MAP3K1: variants seen among roughly 807,000 people sequenced by gnomAD.
MAP3K1 encodes mitogen-activated protein kinase kinase kinase 1.
Under a neutral mutation model 144.2 loss-of-function variants are expected in MAP3K1, and 36 were observed. That is an observed-to-expected ratio of 0.25 (90% CI 0.19 to 0.33). MAP3K1 has a LOEUF of 0.33. MAP3K1 is among the 10% of genes least tolerant of loss of function. The pLI is 1.00. For synonymous variants in MAP3K1, 718 were observed against 688.7 expected, an observed-to-expected ratio of 1.04 and a Z score of -0.67; for missense variants, 1,650 against 1,881.9, an observed-to-expected ratio of 0.88 and a Z score of 2.28.
intron 17 of MAP3K1, among the ~76,000 whole-genome samples, chr5:56,887,133 G>A (rs1308762006): frequency 1.3e-5 from 2 of 152,216 alleles, no homozygotes; most frequent in Non-Finnish European, 2.9e-5. Context: ...TTGACATAAT[G>A]TGTTGAAGTA....
intron 1 of MAP3K1, among the ~76,000 whole-genome samples, chr5:56,822,406 C>T (rs146636507): frequency 1.3e-5 from 2 of 152,268 alleles, no homozygotes; most frequent in East Asian, 1.9e-4. Context: ...TAATGTGAGC[C>T]TTCTAATAAT....
chr5:56,854,250 A>G (rs1747264143), intron 1 of MAP3K1, among the ~76,000 whole-genome samples: 1 of 152,060 alleles, frequency 6.6e-6, no homozygotes, highest in Admixed American at 6.6e-5. Flanking sequence ...CCTGACCAAC[A>G]TGGTGAAACC....
In MAP3K1 at chr5:56,881,472, T is replaced by C. The variant is rs932692674; in HGVS notation, c.2370-98T>C. 10 of 1,096,794 alleles carry C rather than the reference T, an allele frequency of 9.1e-6. No homozygotes were observed. In the African/African-American group the frequency reaches 1.5e-4, roughly 17 times the overall value. 67.9% of individuals were successfully genotyped at this position (1,096,794 alleles called of 1,614,324 possible). ...TAGATACTTTATGCTGAAATGGTTTTTGAAGTATACATGCTGTAAATTACT... is the reference window on the plus strand; with the variant it reads ...TAGATACTTTATGCTGAAATGGTTTCTGAAGTATACATGCTGTAAATTACT... On this transcript the variant is annotated intron_variant, in intron 13 of 19. Coordinates refer to ENST00000399503, the MANE Select transcript of MAP3K1 (RefSeq NM_005921.2).
rs1421374924 is a variant in MAP3K1 at position 56,889,273 on chromosome 5, G to A, written c.4389+916G>A. ...AGCCTCCGCTTCCCAGGTTCAGGCAGTTCTCCTGCCTCAGCCTCCCAGGTA... is the reference window on the plus strand; with the variant it reads ...AGCCTCCGCTTCCCAGGTTCAGGCAATTCTCCTGCCTCAGCCTCCCAGGTA... On this transcript the variant is annotated intron_variant, in intron 19 of 19. Coordinates refer to ENST00000399503, the MANE Select transcript of MAP3K1 (RefSeq NM_005921.2). 7.9e-5 allele frequency among the ~76,000 whole-genome samples: 12 copies of A among 151,898 alleles called. No individual in the cohort carries two copies. The East Asian group carries it at 2.4e-3, about 30-fold the overall frequency.
intron 1 of MAP3K1, among the ~76,000 whole-genome samples, chr5:56,825,153 G>A (rs1265319724): frequency 4.0e-5 from 6 of 151,856 alleles, no homozygotes; most frequent in African/African-American, 9.7e-5. Flanking sequence ...GATTACAGGC[G>A]CCTGCCACCA....
intron 1 of MAP3K1, among the ~76,000 whole-genome samples, chr5:56,834,163 C>A (rs1746575627): frequency 6.6e-6 from 1 of 152,030 alleles, no homozygotes; most frequent in Non-Finnish European, 1.5e-5. Flanking sequence ...GCCCATAAGT[C>A]TTTTATGTGA....
chr5:56,874,156 C>A (rs1273899026), intron 9 of MAP3K1, among the ~76,000 whole-genome samples: 1 of 152,166 alleles, frequency 6.6e-6, no homozygotes, highest in African/African-American at 2.4e-5. Flanking sequence ...TTGGTTCATT[C>A]TCCCATAATA....
At chr5:56,862,527 C>A (rs1471510864) in intron 3 of MAP3K1, among the ~76,000 whole-genome samples, 1 of 152,142 alleles carries the variant, frequency 6.6e-6, no homozygotes, top group Non-Finnish European at 1.5e-5. Flanking sequence ...GACAAAGTTA[C>A]CCCTCATTCT....
At chr5:56,888,969 A>G (rs558716353) in intron 19 of MAP3K1, among the ~76,000 whole-genome samples, 1 of 152,258 alleles carries the variant, frequency 6.6e-6, no homozygotes, top group African/African-American at 2.4e-5. Flanking sequence ...TATTTGAGGT[A>G]GTTATGCTCT....
chr5:56,872,153 A>G (rs1579767681), intron 7 of MAP3K1, 122 bp downstream of exon 7: 2 of 1,236,370 alleles, frequency 1.6e-6, no homozygotes, highest in East Asian at 4.9e-5. Context: ...AAGTATATCT[A>G]AGTCCTAAGT....
chr5:56,884,181 T>G (rs987192632), intron 15 of MAP3K1, among the ~76,000 whole-genome samples: 1 of 152,148 alleles, frequency 6.6e-6, no homozygotes, highest in African/African-American at 2.4e-5. Context: ...GTATGATTAT[T>G]GTAAGACTAC....
chr5:56,891,162 CA>C (rs1464727554), intron 19 of MAP3K1, among the ~76,000 whole-genome samples: 72 of 133,660 alleles, frequency 5.4e-4, no homozygotes, highest in African/African-American at 2.1e-3. Flanking sequence ...CCCCCCCCCA[CA>C]CACACACACA....
chr5:56,845,975 A>G (rs1266010324), intron 1 of MAP3K1, among the ~76,000 whole-genome samples: 1 of 152,222 alleles, frequency 6.6e-6, no homozygotes, highest in Non-Finnish European at 1.5e-5. Context: ...AAAGAGTCCT[A>G]GTATTTAGAA....
intron 1 of MAP3K1, chr5:56,820,854 T>G: frequency 1.1e-6 from 1 of 917,728 alleles, no homozygotes. Flanking sequence ...AATACCGTGT[T>G]AAGTGCTATA....
chr5:56,868,077 A>C (rs1382034569), intron 6 of MAP3K1, among the ~76,000 whole-genome samples: 1 of 152,226 alleles, frequency 6.6e-6, no homozygotes, highest in Non-Finnish European at 1.5e-5. Flanking sequence ...CTGGTTATTA[A>C]TAGGAGGTGC....
In MAP3K1 at chr5:56,815,560, GC is replaced by G. The variant is rs1192122440; in HGVS notation, c.-11del. The stretch of plus-strand genomic sequence containing the variant: ...CCCTCGCAGGGGCCGAGCGAATGTA[GC>G]CCGCGAGAGAAAATGGCGGCGGCGG... On this transcript the variant is annotated 5_prime_UTR_variant, in exon 1 of 20. Transcript: ENST00000399503. 1.0e-5 allele frequency: 13 copies of G among 1,298,248 alleles called. No individual in the cohort carries two copies. Among genetic ancestry groups the G allele is most frequent in the Non-Finnish European group, 1.3e-5 (13 of 1,025,948 alleles). The allele number at this position is 1,298,248 out of a possible 1,614,324, so 80.4% of individuals were successfully genotyped here. A position where few individuals can be genotyped will look rare whatever the true frequency, so the allele number is the denominator to read the frequency against.
At position 56,875,250 on chromosome 5, in the gene MAP3K1, C is replaced by T. The variant is rs1179558441; in HGVS notation, c.1905C>T (p.Cys635=). 6.2e-7 allele frequency: 1 copy of T among 1,614,112 alleles called. No homozygotes were observed. The highest frequency in any genetic ancestry group is 8.5e-7 in the Non-Finnish European group (1 of 1,180,010). ...TSISGDVVEA[C]CSVLSMVCAD... The stretch of plus-strand genomic sequence containing the variant: ...TCTCAGGAGATGTGGTGGAGGCATG[C>T]TGCAGCGTTCTGTCAATGGTCTGTG... The change falls in exon 10 of 20, where the codon TGC becomes TGT. Residue 635 remains cysteine (C), a synonymous_variant. Coordinates refer to ENST00000399503, the MANE Select transcript of MAP3K1 (RefSeq NM_005921.2).
intron 1 of MAP3K1, among the ~76,000 whole-genome samples, chr5:56,834,729 A>G (rs934804514): frequency 1.3e-5 from 2 of 152,156 alleles, no homozygotes; most frequent in Non-Finnish European, 2.9e-5. Flanking sequence ...AAGAAAAAAG[A>G]TGAGAGAAAT....
In MAP3K1 at chr5:56,856,625, C is replaced by G. The variant is rs1284046424; in HGVS notation, c.508C>G (p.Leu170Val). ...AGREMENKET[L>V]KGLHKMDDRP... Reference sequence around the variant, plus strand: ...TCGTGAGATGGAGAATAAAGAAACTCTCAAAGGGTTGCACAAGATGGATGA... The same window carrying G: ...TCGTGAGATGGAGAATAAAGAAACTGTCAAAGGGTTGCACAAGATGGATGA... Residue 170 changes from leucine to valine, a missense_variant, in exon 2 of 20, where the codon CTC becomes GTC. This residue lies in a region of MAP3K1 where 360 missense variants were observed against 274.7 expected (regional missense o/e 1.31). Coordinates refer to ENST00000399503, the MANE Select transcript of MAP3K1 (RefSeq NM_005921.2). 6.2e-7 allele frequency: 1 copy of G among 1,613,740 alleles called. No homozygotes were observed. Among genetic ancestry groups the G allele is most frequent in the African/African-American group, 1.3e-5 (1 of 74,870 alleles).
Sources: allele counts gnomAD v4.1 joint callset (sites outside exome capture counted in the v4.1 genomes callset), GRCh38; gene constraint gnomAD v4.1.1; regional missense constraint gnomAD v4.1.1; transcripts MANE v1.5; gene names NCBI Gene and HGNC (gene_info 2026-07-23, HGNC 2026-07-21).